Variants in INPP4A observed in about 807,000 individuals in gnomAD.
The protein encoded by INPP4A is inositol polyphosphate-4-phosphatase type I A.
INPP4A carries 33 observed loss-of-function variants against 119.8 expected under a neutral mutation model. That is an observed-to-expected ratio of 0.28 (90% CI 0.21 to 0.37). The LOEUF is 0.37. Ranked by LOEUF, INPP4A falls within the 10% of genes least tolerant of loss-of-function variation. The probability of loss-of-function intolerance (pLI) is 1.00; values close to 1 mark genes in which losing one functional copy is unlikely to be tolerated. For synonymous variants in INPP4A, 496 were observed against 500.7 expected, an observed-to-expected ratio of 0.99 and a Z score of 0.12; for missense variants, 956 against 1,289.9, an observed-to-expected ratio of 0.74 and a Z score of 3.97.
At chr2:98,562,447 C>T (rs1695661980) in intron 17 of INPP4A, among the ~76,000 whole-genome samples, 1 of 152,362 alleles carries the variant, frequency 6.6e-6, no homozygotes, top group East Asian at 1.9e-4. Context: ...AGTTTATCCT[C>T]TGGCAGCCGC....
At chr2:98,561,426 T>C (rs970115087) in intron 17 of INPP4A, among the ~76,000 whole-genome samples, 3 of 152,232 alleles carry the variant, frequency 2.0e-5, no homozygotes, top group Admixed American at 2.0e-4. Context: ...AAACTCACTT[T>C]GGTTGAACTT....
intron 17 of INPP4A, among the ~76,000 whole-genome samples, chr2:98,561,622 T>G (rs961346001): frequency 6.6e-6 from 1 of 152,244 alleles, no homozygotes; most frequent in Non-Finnish European, 1.5e-5. Context: ...TCATAGGAAT[T>G]TAGTTTAAAG....
chr2:98,488,872 G>A (rs1462970603), intron 1 of INPP4A, among the ~76,000 whole-genome samples: 1 of 151,384 alleles, frequency 6.6e-6, no homozygotes, highest in African/African-American at 2.4e-5. Context: ...AAGCACAGAG[G>A]ACTGAATGGA....
At chr2:98,573,880 T>C (rs1312986450) in intron 23 of INPP4A, among the ~76,000 whole-genome samples, 1 of 152,188 alleles carries the variant, frequency 6.6e-6, no homozygotes, top group Non-Finnish European at 1.5e-5. Context: ...TGGCTGCTGA[T>C]ACCATTTTGT....
At chr2:98,516,101 A>C (rs916524214) in intron 1 of INPP4A, among the ~76,000 whole-genome samples, 5 of 151,852 alleles carry the variant, frequency 3.3e-5, no homozygotes, top group Non-Finnish European at 7.4e-5. Context: ...CTCCTAATGA[A>C]CTCTGGTCTT....
At position 98,539,690 on chromosome 2, in the gene INPP4A, A is replaced by T. The variant is rs562515078; in HGVS notation, c.818+15A>T. 80 of 1,599,702 alleles carry T rather than the reference A, an allele frequency of 5.0e-5. 1 individual carries two copies. In the Admixed American group the frequency reaches 1.2e-3, roughly 25 times the overall value. ...GATGCAGCCAGGTGAGGCCACATGGAAGGACTGACTGTCCATCATACCCAT... is the reference window on the plus strand; with the variant it reads ...GATGCAGCCAGGTGAGGCCACATGGTAGGACTGACTGTCCATCATACCCAT... On this transcript the variant is annotated intron_variant, in intron 10 of 24. Transcript: ENST00000409851.
rs1378224187 is a variant in INPP4A at position 98,554,352 on chromosome 2, A to G, written c.1429A>G (p.Ile477Val). The G allele has an allele frequency of 3.1e-6, 5 of 1,613,378 alleles. No homozygotes were observed. Among genetic ancestry groups the G allele is most frequent in the Admixed American group, 1.7e-5 (1 of 59,934 alleles). The change falls in exon 15 of 25, where the codon ATT (isoleucine) becomes GTT (valine). Residue 477 changes from isoleucine (I) to valine (V), a missense_variant. This residue lies in a region of INPP4A where 652 missense variants were observed against 797.9 expected (regional missense o/e 0.82). Coordinates refer to ENST00000409851, the MANE Select transcript of INPP4A (RefSeq NM_001134225.2). The surrounding 1 kb of genome is among the most constrained non-coding windows in gnomAD (Gnocchi z 4.7). ...GCTGAACGCTGCACGGCCTGACTAC[A>G]TTGCCTCCAAGGCCTCTCCCACTTC... Reference protein sequence around the residue: ...HGLNAARPDYIASKASPTSTE... With the variant: ...HGLNAARPDYVASKASPTSTE...
At chr2:98,557,587 A>G (rs1033125761) in intron 16 of INPP4A, among the ~76,000 whole-genome samples, 1 of 152,228 alleles carries the variant, frequency 6.6e-6, no homozygotes, top group African/African-American at 2.4e-5. Flanking sequence ...TTATTATGTG[A>G]GAATAACTCT....
chr2:98,580,324 C>G (rs1699110851), intron 24 of INPP4A, among the ~76,000 whole-genome samples: 1 of 152,198 alleles, frequency 6.6e-6, no homozygotes, highest in Non-Finnish European at 1.5e-5. Flanking sequence ...ATGGCCAGTG[C>G]TGTGCTGTAA....
Position 98,554,260 on chromosome 2 carries a change from T to C in INPP4A, c.1348-11T>C, listed in dbSNP as rs756027722. Reference sequence around the variant, plus strand: ...CTGGGCTCAGCAGCCTTGGTTTGTGTGCACCTGCAGACACGGCAGCTGGTC... The same window carrying C: ...CTGGGCTCAGCAGCCTTGGTTTGTGCGCACCTGCAGACACGGCAGCTGGTC... On this transcript the variant is annotated splice_polypyrimidine_tract_variant and intron_variant, in intron 14 of 24. Transcript: ENST00000409851. The surrounding 1 kb of genome is among the most constrained non-coding windows in gnomAD (Gnocchi z 4.7). 1.3e-6 allele frequency: 2 copies of C among 1,588,132 alleles called. No homozygotes were observed. Among genetic ancestry groups the C allele is most frequent in the Admixed American group, 1.8e-5 (1 of 56,562 alleles).
intron 1 of INPP4A, among the ~76,000 whole-genome samples, chr2:98,473,128 T>C (rs552810151): frequency 2.8e-5 from 4 of 141,706 alleles, no homozygotes; most frequent in African/African-American, 1.1e-4. Context: ...GAGGGCAGTG[T>C]GGGTGCAGTG....
At chr2:98,534,219 C>T (rs1486935278) in intron 5 of INPP4A, among the ~76,000 whole-genome samples, 9 of 152,354 alleles carry the variant, frequency 5.9e-5, no homozygotes, top group Non-Finnish European at 1.2e-4. Flanking sequence ...TCGAGTGCTA[C>T]CTACACATCT....
chr2:98,565,633 T>C lies in INPP4A; in HGVS notation c.2153-7T>C, dbSNP rs1168901115. On this transcript the variant is annotated splice_polypyrimidine_tract_variant and splice_region_variant and intron_variant, in intron 19 of 24. Coordinates refer to ENST00000409851, the MANE Select transcript of INPP4A (RefSeq NM_001134225.2). ...GCCTGACAGCCCTGCCCCTCTCTCA[T>C]GTCCAGGGGAGGAGCTGGCAATGCT... The C allele has an allele frequency of 1.9e-6, 3 of 1,600,962 alleles. No homozygotes were observed. The highest frequency in any genetic ancestry group is 2.2e-5 in the South Asian group (2 of 90,320).
chr2:98,455,428 C>G (rs771924314), intron 1 of INPP4A, among the ~76,000 whole-genome samples: 2 of 152,130 alleles, frequency 1.3e-5, no homozygotes, highest in Non-Finnish European at 2.9e-5. Context: ...AATGGATTGG[C>G]CTTAGGGACG....
chr2:98,457,220 A>G (rs1361270744), intron 1 of INPP4A, among the ~76,000 whole-genome samples: 1 of 152,170 alleles, frequency 6.6e-6, no homozygotes, highest in Non-Finnish European at 1.5e-5. Flanking sequence ...AGAGAGTTTT[A>G]AGCAGTAGTG....
At chr2:98,522,441 TA>T (rs1687403022) in intron 4 of INPP4A, among the ~76,000 whole-genome samples, 1 of 151,968 alleles carries the variant, frequency 6.6e-6, no homozygotes, top group Non-Finnish European at 1.5e-5. Flanking sequence ...AGACAAAATT[TA>T]AAAAATTCTA....
Position 98,554,639 on chromosome 2 carries a change from C to T in INPP4A, c.1566+150C>T, listed in dbSNP as rs549236004. On this transcript the variant is annotated intron_variant, in intron 15 of 24. Transcript: ENST00000409851. The surrounding 1 kb of genome is among the most constrained non-coding windows in gnomAD (Gnocchi z 4.7). ...TCCTTCCTGGATGGCTCCTTGGCTCCTGATGCAGGGAGGGAGGAGACTGTT... is the reference window on the plus strand; with the variant it reads ...TCCTTCCTGGATGGCTCCTTGGCTCTTGATGCAGGGAGGGAGGAGACTGTT... The T allele has an allele frequency of 4.5e-5, 31 of 689,452 alleles. 1 individual carries two copies. In the South Asian group the frequency reaches 5.3e-4, roughly 12 times the overall value. 42.7% of individuals were successfully genotyped at this position (689,452 alleles called of 1,614,324 possible). A position where few individuals can be genotyped will look rare whatever the true frequency, so the allele number is the denominator to read the frequency against.
At chr2:98,472,156 A>G (rs887406636) in intron 1 of INPP4A, among the ~76,000 whole-genome samples, 4 of 152,148 alleles carry the variant, frequency 2.6e-5, no homozygotes, top group African/African-American at 9.7e-5. Context: ...GAGCAGAAGT[A>G]TGGTCCACAT....
At chr2:98,506,746 G>A (rs972953212) in intron 1 of INPP4A, among the ~76,000 whole-genome samples, 1 of 152,238 alleles carries the variant, frequency 6.6e-6, no homozygotes. Context: ...AGACCGAGGG[G>A]AGGAATGGTG....
Sources: gnomAD v4.1 joint callset for allele counts (sites outside exome capture counted in the v4.1 genomes callset) on GRCh38, gnomAD v4.1.1 for gene constraint, gnomAD v4.1.1 regional missense constraint, Gnocchi (gnomAD v3.1) non-coding constraint, MANE v1.5 for transcripts, NCBI Gene and HGNC (gene_info 2026-07-23, HGNC 2026-07-21) for gene names.